Variants in DHX35 observed in about 807,000 individuals in gnomAD.
DHX35 encodes the protein DEAH-box helicase 35, also known as probable ATP-dependent RNA helicase DHX35.
Under a neutral mutation model 99.6 loss-of-function variants are expected in DHX35, and 84 were observed. The observed-to-expected ratio is 0.84, with a 90% CI of 0.71 to 1.01. The LOEUF (loss-of-function observed/expected upper bound fraction) is 1.01, where lower values mean the gene tolerates loss of function less well. Ranked by LOEUF, DHX35 falls within the 50% of genes least tolerant of loss-of-function variation. The probability of loss-of-function intolerance (pLI) is 0.00; values close to 1 mark genes in which losing one functional copy is unlikely to be tolerated. For missense variants in DHX35, 852 were observed against 888.5 expected, an observed-to-expected ratio of 0.96 and a Z score of 0.52; for synonymous variants, 331 against 316.2, an observed-to-expected ratio of 1.05 and a Z score of -0.50.
intron 2 of DHX35, among the ~76,000 whole-genome samples, chr20:38,972,270 C>T (rs1298061619): frequency 6.6e-6 from 1 of 152,148 alleles, no homozygotes; most frequent in Non-Finnish European, 1.5e-5. Context: ...CCTGGCCTCC[C>T]AAAGTGCTGG....
At chr20:39,031,323 G>A (rs1191294020) in intron 20 of DHX35, among the ~76,000 whole-genome samples, 1 of 150,364 alleles carries the variant, frequency 6.7e-6, no homozygotes, top group East Asian at 2.0e-4. Context: ...TGGGATCCCA[G>A]CTCACGGTTC....
At chr20:38,978,055 G>C in intron 3 of DHX35, 1 of 747,688 alleles carries the variant, frequency 1.3e-6, no homozygotes, top group Admixed American at 1.7e-5. Context: ...TTCTGACTCT[G>C]CATCTTCCTC....
intron 14 of DHX35, among the ~76,000 whole-genome samples, chr20:39,018,574 T>C (rs1391758897): frequency 2.0e-5 from 3 of 152,020 alleles, no homozygotes; most frequent in Non-Finnish European, 4.4e-5. Context: ...TAGAAGTCTT[T>C]AGAAGTATCA....
intron 4 of DHX35, 151 bp from the exon 5 acceptor site, chr20:38,988,662 T>C (rs1438263284): frequency 8.1e-6 from 9 of 1,107,714 alleles, no homozygotes; most frequent in African/African-American, 4.8e-5. Context: ...GCAAAAGTTA[T>C]TATGCTTGTT....
chr20:39,038,410 T>G, intron 21 of DHX35, 89 bp from the exon 22 acceptor site: 1 of 1,399,556 alleles, frequency 7.1e-7, no homozygotes, highest in African/African-American at 1.4e-5. Flanking sequence ...GATGGAAGAT[T>G]TGATGTGGTC....
intron 1 of DHX35, among the ~76,000 whole-genome samples, chr20:38,964,436 C>CTTTTTTTTTTT (rs1193973308): frequency 6.9e-6 from 1 of 144,954 alleles, no homozygotes; most frequent in African/African-American, 2.5e-5. Flanking sequence ...TGTTTTCTTT[C>CTTTTTTTTTTT]TTTTTTTTTT....
chr20:39,023,542 G>A, intron 16 of DHX35, 148 bp from the exon 17 acceptor site: 1 of 620,754 alleles, frequency 1.6e-6, no homozygotes, highest in South Asian at 1.9e-5. Context: ...TTGTAGACAT[G>A]GGGTTTACCT....
rs913114741 is a variant in DHX35 at position 38,965,632 on chromosome 20, A to T, written c.40+3225A>T. ...TCAGAGTTGCCCAATTTTTTTTTTAAGAAGCCTAATATCCAGATCTGAATG... is the reference window on the plus strand; with the variant it reads ...TCAGAGTTGCCCAATTTTTTTTTTATGAAGCCTAATATCCAGATCTGAATG... On this transcript the variant is annotated intron_variant, in intron 1 of 21. Transcript: ENST00000252011. Among the ~76,000 whole-genome samples, 86 of 152,074 alleles carry T rather than the reference A, an allele frequency of 5.7e-4. 1 individual carries two copies. The highest frequency in any genetic ancestry group is 1.5e-4 in the Non-Finnish European group (10 of 68,002).
intron 20 of DHX35, among the ~76,000 whole-genome samples, chr20:39,031,944 A>G (rs1473284492): frequency 6.6e-6 from 1 of 152,196 alleles, no homozygotes; most frequent in Non-Finnish European, 1.5e-5. Context: ...CTGCTCTGTA[A>G]CACTGCCTAG....
chr20:38,969,313 A>G lies in DHX35; in HGVS notation c.174+99A>G, dbSNP rs983873039. 2.9e-6 allele frequency: 4 copies of G among 1,376,448 alleles called. No individual in the cohort carries two copies. In the Admixed American group the frequency reaches 9.3e-5, roughly 32 times the overall value. 85.3% of individuals were successfully genotyped at this position (1,376,448 alleles called of 1,614,324 possible). Reference sequence around the variant, plus strand: ...GGGAATGATGGCCTCTTTCTAGAACACAGTGAGCTCAGAGAAACCCTTACT... The same window carrying G: ...GGGAATGATGGCCTCTTTCTAGAACGCAGTGAGCTCAGAGAAACCCTTACT... On this transcript the variant is annotated intron_variant, in intron 2 of 21. Transcript: ENST00000252011.
At chr20:38,973,868 A>C (rs1251009449) in intron 3 of DHX35, among the ~76,000 whole-genome samples, 1 of 152,242 alleles carries the variant, frequency 6.6e-6, no homozygotes, top group Non-Finnish European at 1.5e-5. Flanking sequence ...GGCCCTTTAC[A>C]GAAATGTAAA....
At position 39,008,615 on chromosome 20, in the gene DHX35, A is replaced by G. The variant is rs145120072; in HGVS notation, c.1223-1665A>G. 6.1e-3 allele frequency among the ~76,000 whole-genome samples: 934 copies of G among 152,262 alleles called. 12 individuals carry two copies. The highest frequency in any genetic ancestry group is 0.019 in the African/African-American group (804 of 41,524). On this transcript the variant is annotated intron_variant, in intron 12 of 21. Coordinates refer to ENST00000252011, the MANE Select transcript of DHX35 (RefSeq NM_021931.4). ...TGTCCAGCCTCTAGGCCTCCACAGG[A>G]GCCTCCAGAAAGTATTGCTTTGAAC...
rs559822768 is a variant in DHX35, at chr20:38,969,196, G to A, written c.156G>A (p.Gln52=). ...YAALSIEQQR[Q]KLPVFKLRNH... ...CCCTTTCCATAGAGCAGCAGAGGCA[G>A]AAGCTGCCGGTATTCAAGGTACGTC... The change falls in exon 2 of 22, where the codon CAG becomes CAA. Residue 52 remains glutamine, a synonymous_variant. Transcript: ENST00000252011. 5.6e-5 allele frequency: 90 copies of A among 1,608,394 alleles called. No individual in the cohort carries two copies. The South Asian group carries it at 8.4e-4, about 15-fold the overall frequency.
chr20:38,971,497 A>G (rs1449247243), intron 2 of DHX35, among the ~76,000 whole-genome samples: 4 of 151,998 alleles, frequency 2.6e-5, no homozygotes, highest in Non-Finnish European at 5.9e-5. Flanking sequence ...TAGTGACTCT[A>G]TCTTGGATGC....
chr20:39,020,438 C>T (rs1169270813), intron 15 of DHX35, among the ~76,000 whole-genome samples: 2 of 152,158 alleles, frequency 1.3e-5, no homozygotes, highest in Non-Finnish European at 2.9e-5. Flanking sequence ...GTTAAAAGAT[C>T]TGGAAGTCTT....
chr20:38,989,490 A>G (rs2086304666), intron 5 of DHX35, among the ~76,000 whole-genome samples: 1 of 152,040 alleles, frequency 6.6e-6, no homozygotes, highest in African/African-American at 2.4e-5. Flanking sequence ...CCTTGATTCC[A>G]AAGATGAAGA....
At chr20:38,983,115 C>T (rs556422423) in intron 3 of DHX35, among the ~76,000 whole-genome samples, 4 of 152,086 alleles carry the variant, frequency 2.6e-5, no homozygotes, top group East Asian at 1.9e-4. Context: ...TTGGTAGAGA[C>T]GGGGTTTCAC....
intron 16 of DHX35, 57 bp from the exon 17 acceptor site, chr20:39,023,633 G>A (rs2086905992): frequency 2.6e-6 from 4 of 1,529,944 alleles, no homozygotes. Flanking sequence ...GATTATAGGT[G>A]TGAGCCACCA....
intron 18 of DHX35, 63 bp from the exon 19 acceptor site, chr20:39,028,355 A>G: frequency 6.6e-7 from 1 of 1,523,234 alleles, no homozygotes; most frequent in South Asian, 1.1e-5. Context: ...CCTGTGCATT[A>G]GAGCACACGG....
Sources: gnomAD v4.1 joint callset for allele counts (sites outside exome capture counted in the v4.1 genomes callset) on GRCh38, gnomAD v4.1.1 for gene constraint, MANE v1.5 for transcripts, NCBI Gene and HGNC (gene_info 2026-07-23, HGNC 2026-07-21) for gene names.